The following CUX1 variants were observed in gnomAD, a reference collection of about 807,000 sequenced individuals.
The protein encoded by CUX1 is cut like homeobox 1.
Under a neutral mutation model 158.8 loss-of-function variants are expected in CUX1, and 31 were observed. The ratio of observed to expected loss-of-function variants is 0.20; its 90% CI spans 0.15 to 0.26. The LOEUF (loss-of-function observed/expected upper bound fraction) is 0.26, where lower values mean the gene tolerates loss of function less well. Among genes scored for constraint, CUX1 ranks in the 10% least tolerant of loss-of-function variants. CUX1 has a pLI of 1.00. For synonymous variants in CUX1, 879 were observed against 862.1 expected (o/e 1.02, Z -0.34); for missense variants, 1,589 against 2,014.6 (o/e 0.79, Z 4.04).
Position 102,250,103 on chromosome 7 carries a change from A to G in CUX1, c.*1061A>G, listed in dbSNP as rs1327862929. On this transcript the variant is annotated 3_prime_UTR_variant, in exon 24 of 24. Coordinates refer to ENST00000292535, the MANE Select transcript of CUX1 (RefSeq NM_181552.4). ...AAGATCCGAATCTAGGTATTTTATA[A>G]TCTGCTTTTTAACCTCTAACCGCAG... 1.0e-6 allele frequency: 1 copy of G among 985,516 alleles called. No individual in the cohort carries two copies. Among genetic ancestry groups the G allele is most frequent in the African/African-American group, 1.7e-5 (1 of 57,366 alleles). The allele number at this position is 985,516 out of a possible 1,614,324, so 61.0% of individuals were successfully genotyped here.
Position 102,248,846 on chromosome 7 carries a change from CCAGCAA to C in CUX1, c.4328_4333del (p.Asn1443_Ser1444del), listed in dbSNP as rs1339493481. On this transcript the variant is annotated inframe_deletion, in exon 24 of 24. Transcript: ENST00000292535. The surrounding 1 kb of genome is among the most constrained non-coding windows in gnomAD (Gnocchi z 5.8). ...GCGGCCCCGAGCTCCGCGCCGCCGC[CCAGCAA>C]CAGCAGCAGCAGCAGCGCCCCCCGC... 9 of 1,257,990 alleles carry C rather than the reference CCAGCAA, an allele frequency of 7.2e-6. No individual in the cohort carries two copies. The African/African-American group carries it at 1.1e-4, about 16-fold the overall frequency. 77.9% of individuals were successfully genotyped at this position (1,257,990 alleles called of 1,614,324 possible). A position where few individuals can be genotyped will look rare whatever the true frequency, so the allele number is the denominator to read the frequency against.
At chr7:101,989,384 G>A (rs1008452197) in intron 2 of CUX1, among the ~76,000 whole-genome samples, 1 of 152,234 alleles carries the variant, frequency 6.6e-6, no homozygotes, top group Non-Finnish European at 1.5e-5. Context: ...CTGGCCAGCC[G>A]TGATTTCATC....
At chr7:102,158,724 C>A in intron 9 of CUX1, 116 bp downstream of exon 9, 3 of 913,344 alleles carry the variant, frequency 3.3e-6, no homozygotes, top group Non-Finnish European at 5.3e-6. Flanking sequence ...TTTTTACTGA[C>A]AGCTTTCAAC....
Position 102,120,584 on chromosome 7 carries a change from C to T in CUX1, c.674+5311C>T, listed in dbSNP as rs146289416. Among the ~76,000 whole-genome samples, 22 of 152,342 alleles carry T rather than the reference C, an allele frequency of 1.4e-4. No individual in the cohort carries two copies. In the East Asian group the frequency reaches 4.2e-3, roughly 29 times the overall value. ...CAAAAGAGACATTTACGAGGAACTTCACTTAGGTTAATTTTAGAGTATTTT... is the reference window on the plus strand; with the variant it reads ...CAAAAGAGACATTTACGAGGAACTTTACTTAGGTTAATTTTAGAGTATTTT... On this transcript the variant is annotated intron_variant, in intron 8 of 23. Transcript: ENST00000292535.
At chr7:101,988,715 C>T (rs1251743899) in intron 2 of CUX1, among the ~76,000 whole-genome samples, 5 of 151,978 alleles carry the variant, frequency 3.3e-5, no homozygotes, top group Non-Finnish European at 7.4e-5. Flanking sequence ...GTCGGGATAC[C>T]AGGGGCTGGG....
At position 102,253,156 on chromosome 7, in the gene CUX1, TC is replaced by T; in HGVS notation, c.*4116del. The T allele has an allele frequency of 1.0e-6, 1 of 985,554 alleles. No individual in the cohort carries two copies. Among genetic ancestry groups the T allele is most frequent in the South Asian group, 4.7e-5 (1 of 21,290 alleles). 61.1% of individuals were successfully genotyped at this position (985,554 alleles called of 1,614,324 possible). A position where few individuals can be genotyped will look rare whatever the true frequency, so the allele number is the denominator to read the frequency against. On this transcript the variant is annotated 3_prime_UTR_variant, in exon 24 of 24. Coordinates refer to ENST00000292535, the MANE Select transcript of CUX1 (RefSeq NM_181552.4). ...TTGTTTTCTTCCCATTGAAAAACCA[TC>T]CTGTCTGATGTGGACGTTCAGGTCT...
chr7:102,054,797 A>T (rs1358992381), intron 3 of CUX1, among the ~76,000 whole-genome samples: 1 of 152,124 alleles, frequency 6.6e-6, no homozygotes, highest in Non-Finnish European at 1.5e-5. Flanking sequence ...ATGAGATCTC[A>T]TCTCTACAAG....
In CUX1 at chr7:102,122,381, G is replaced by A. The variant is rs140372851; in HGVS notation, c.674+7108G>A. On this transcript the variant is annotated intron_variant, in intron 8 of 23. Transcript: ENST00000292535. ...TAAATCAGACTTGCAGGGAAAAACC[G>A]ATGGCCTTTTTTTTTTTTCTTCCTG... Among the ~76,000 whole-genome samples the A allele has an allele frequency of 8.0e-3, 1,221 of 151,864 alleles. 4 individuals are homozygous for A. Among genetic ancestry groups the A allele is most frequent in the Admixed American group, 0.016 (239 of 15,264 alleles).
intron 9 of CUX1, among the ~76,000 whole-genome samples, chr7:102,169,452 C>T (rs782105940): frequency 1.2e-4 from 19 of 152,208 alleles, no homozygotes; most frequent in Non-Finnish European, 2.2e-4. Context: ...CCTCAGCCCA[C>T]GTGTCCCATG....
chr7:102,049,818 G>T (rs890579962), intron 3 of CUX1, among the ~76,000 whole-genome samples: 10 of 152,166 alleles, frequency 6.6e-5, no homozygotes, highest in Admixed American at 6.5e-4. Flanking sequence ...GCTTTTCAGG[G>T]AGCCCCTTGA....
chr7:102,056,878 A>ATTTTTTG (rs765213678), intron 3 of CUX1, among the ~76,000 whole-genome samples: 36 of 132,126 alleles, frequency 2.7e-4, no homozygotes, highest in Non-Finnish European at 5.2e-4. Context: ...TGATAAAAAG[A>ATTTTTTG]TTTTTTGTTT....
intron 2 of CUX1, among the ~76,000 whole-genome samples, chr7:102,008,579 C>T (rs1817649641): frequency 6.6e-6 from 1 of 152,136 alleles, no homozygotes; most frequent in African/African-American, 2.4e-5. Context: ...TCTGCCCTCT[C>T]TAGAGATTGG....
intron 3 of CUX1, among the ~76,000 whole-genome samples, chr7:102,029,075 C>T (rs1488499154): frequency 1.5e-4 from 22 of 148,182 alleles, no homozygotes; most frequent in African/African-American, 5.2e-4. Context: ...TCACTGCAAC[C>T]TCCGTCTCCC....
chr7:102,058,577 C>G (rs998792191), intron 3 of CUX1, among the ~76,000 whole-genome samples: 3 of 152,142 alleles, frequency 2.0e-5, no homozygotes, highest in Admixed American at 6.6e-5. Flanking sequence ...GCCACCGTAC[C>G]TGGTCTGTTT....
At chr7:102,013,432 A>G (rs1818262911) in intron 2 of CUX1, among the ~76,000 whole-genome samples, 1 of 152,220 alleles carries the variant, frequency 6.6e-6, no homozygotes, top group Non-Finnish European at 1.5e-5. Context: ...AAATTGTTTC[A>G]TTACAAAGAA....
chr7:102,128,103 G>T (rs1292469242), intron 8 of CUX1, among the ~76,000 whole-genome samples: 3 of 152,222 alleles, frequency 2.0e-5, no homozygotes, highest in African/African-American at 7.2e-5. Flanking sequence ...CTCCAGAAGG[G>T]CTGGGATTAC....
intron 1 of CUX1, among the ~76,000 whole-genome samples, chr7:101,908,319 T>C (rs1802988306): frequency 6.6e-6 from 1 of 152,252 alleles, no homozygotes. Context: ...CTGATTTTTG[T>C]ATTTTTAGTA....
upstream of CUX1, among the ~76,000 whole-genome samples, chr7:101,816,274 T>A (rs918426805): frequency 1.6e-4 from 23 of 144,498 alleles, no homozygotes; most frequent in African/African-American, 5.4e-4. Flanking sequence ...CGGCCCCCAT[T>A]GATCACTCGC....
At chr7:102,217,238 A>G (rs1435415267) in intron 20 of CUX1, among the ~76,000 whole-genome samples, 2 of 152,258 alleles carry the variant, frequency 1.3e-5, no homozygotes, top group Non-Finnish European at 2.9e-5. Flanking sequence ...ATTGTAATTT[A>G]AGCAGGGTTT....
Sources: gnomAD v4.1 joint callset for allele counts (sites outside exome capture counted in the v4.1 genomes callset) on GRCh38, gnomAD v4.1.1 for gene constraint, Gnocchi (gnomAD v3.1) non-coding constraint, MANE v1.5 for transcripts, NCBI Gene and HGNC (gene_info 2026-07-23, HGNC 2026-07-21) for gene names.